Variants in COL24A1 observed in about 807,000 individuals in gnomAD.
The protein encoded by COL24A1 is collagen alpha-1(XXIV) chain.
A neutral mutation model predicts 253.9 loss-of-function variants in COL24A1; 224 were observed. The ratio of observed to expected loss-of-function variants is 0.88; its 90% CI spans 0.79 to 0.99. COL24A1 has a LOEUF of 0.99. COL24A1 is among the 50% of genes least tolerant of loss of function. The pLI is 0.00. For synonymous variants in COL24A1, 685 were observed against 673.7 expected (o/e 1.02, Z -0.26); for missense variants, 2,131 against 2,068.5 (o/e 1.03, Z -0.59).
chr1:86,107,508 AATTTATTTATTT>A (rs57193756), intron 5 of COL24A1, among the ~76,000 whole-genome samples: 22,483 of 145,014 alleles, frequency 0.16, 2,109 homozygotes, highest in African/African-American at 0.26. Context: ...ACACAATGGT[AATTTATTTATTT>A]ATTTATTTAT....
chr1:86,066,024 C>T (rs775963786), intron 7 of COL24A1, among the ~76,000 whole-genome samples: 6 of 151,980 alleles, frequency 3.9e-5, no homozygotes, highest in Non-Finnish European at 8.8e-5. Context: ...AAAGCAGATG[C>T]AGAGAAAGTA....
chr1:85,782,699 C>T (rs564040618), intron 51 of COL24A1, among the ~76,000 whole-genome samples: 1 of 152,286 alleles, frequency 6.6e-6, no homozygotes, highest in Non-Finnish European at 1.5e-5. Context: ...ATTTAAGATA[C>T]CTTTATCCTA....
At chr1:86,047,419 A>C (rs1177246090) in intron 11 of COL24A1, among the ~76,000 whole-genome samples, 2 of 152,168 alleles carry the variant, frequency 1.3e-5, no homozygotes. Context: ...TACAGTACTT[A>C]AGTACCCAGG....
At chr1:85,853,515 A>C (rs1426607407) in intron 37 of COL24A1, among the ~76,000 whole-genome samples, 2 of 152,200 alleles carry the variant, frequency 1.3e-5, no homozygotes, top group Admixed American at 6.6e-5. Context: ...GTTGAATGGT[A>C]GTTCTTTTAA....
chr1:85,959,213 T>C (rs955874751), intron 24 of COL24A1, among the ~76,000 whole-genome samples: 2 of 152,128 alleles, frequency 1.3e-5, no homozygotes, highest in African/African-American at 2.4e-5. Flanking sequence ...AAAGCCAGAA[T>C]TACTGAGAGC....
At chr1:85,899,286 A>C (rs980885256) in intron 28 of COL24A1, among the ~76,000 whole-genome samples, 9 of 152,248 alleles carry the variant, frequency 5.9e-5, no homozygotes, top group Admixed American at 4.6e-4. Context: ...CTAAAATACT[A>C]TAAAAAACAA....
chr1:86,151,065 T>C (rs938165279), intron 1 of COL24A1, among the ~76,000 whole-genome samples: 2 of 152,036 alleles, frequency 1.3e-5, no homozygotes, highest in African/African-American at 4.8e-5. Context: ...TGTATACACA[T>C]ACATATATAT....
chr1:86,098,082 G>T (rs1704144597), intron 5 of COL24A1, among the ~76,000 whole-genome samples: 1 of 152,108 alleles, frequency 6.6e-6, no homozygotes, highest in Non-Finnish European at 1.5e-5. Flanking sequence ...ATACACTGGA[G>T]GGGATTCAAC....
chr1:85,950,536 G>T (rs1381434076), intron 24 of COL24A1, among the ~76,000 whole-genome samples: 1 of 152,092 alleles, frequency 6.6e-6, no homozygotes, highest in East Asian at 1.9e-4. Flanking sequence ...TAAGTATTAG[G>T]CTTGAAAACC....
intron 24 of COL24A1, among the ~76,000 whole-genome samples, chr1:85,939,032 T>C (rs183413658): frequency 6.6e-6 from 1 of 152,162 alleles, no homozygotes; most frequent in Non-Finnish European, 1.5e-5. Flanking sequence ...TCTCAGCAGT[T>C]TGCCTCTAGA....
chr1:86,018,286 G>A (rs1320751011), intron 18 of COL24A1, among the ~76,000 whole-genome samples: 1 of 152,144 alleles, frequency 6.6e-6, no homozygotes, highest in Non-Finnish European at 1.5e-5. Context: ...GAGGTATCTG[G>A]ACATAAAACA....
intron 7 of COL24A1, among the ~76,000 whole-genome samples, chr1:86,071,144 G>A (rs1315582028): frequency 6.6e-6 from 1 of 151,942 alleles, no homozygotes; most frequent in Non-Finnish European, 1.5e-5. Context: ...ATGTTTTTTG[G>A]TTTATGCAAT....
intron 5 of COL24A1, among the ~76,000 whole-genome samples, chr1:86,092,734 A>C (rs1464925088): frequency 6.6e-6 from 1 of 151,918 alleles, no homozygotes; most frequent in Non-Finnish European, 1.5e-5. Flanking sequence ...ATATCATTCC[A>C]AGTTTAAATA....
At chr1:85,949,584 T>TTTTACTCTA (rs1443348729) in intron 24 of COL24A1, among the ~76,000 whole-genome samples, 1 of 152,110 alleles carries the variant, frequency 6.6e-6, no homozygotes, top group African/African-American at 2.4e-5. Context: ...TTTATGGAGC[T>TTTTACTCTA]TTTACTCTAT....
chr1:86,010,941 C>A (rs1696430999), intron 19 of COL24A1, among the ~76,000 whole-genome samples: 1 of 152,132 alleles, frequency 6.6e-6, no homozygotes, highest in South Asian at 2.1e-4. Context: ...ACACAACTCA[C>A]AAGAAAGATA....
chr1:86,099,221 C>T (rs2102031384), intron 5 of COL24A1, among the ~76,000 whole-genome samples: 1 of 152,146 alleles, frequency 6.6e-6, no homozygotes, highest in Non-Finnish European at 1.5e-5. Flanking sequence ...GAAAATGTAA[C>T]ATATCAAATT....
chr1:85,924,211 A>G (rs1686904153), intron 24 of COL24A1, among the ~76,000 whole-genome samples: 1 of 152,220 alleles, frequency 6.6e-6, no homozygotes, highest in Non-Finnish European at 1.5e-5. Flanking sequence ...CAAGGACCAG[A>G]CGGATTCACA....
chr1:85,827,887 C>G (rs374358301), intron 43 of COL24A1, among the ~76,000 whole-genome samples: 81 of 151,950 alleles, frequency 5.3e-4, no homozygotes, highest in African/African-American at 1.3e-3. Context: ...TGGATTCATT[C>G]ATTTTTTGAA....
rs192977596 is a variant in COL24A1, at chr1:86,088,560, G to A, written c.1707+614C>T. Reference sequence around the variant, plus strand: ...TTTATAAAATAAATATTGCAACTGTGTCAGTACTCCTTTCTACCTCACAAA... The same window carrying A: ...TTTATAAAATAAATATTGCAACTGTATCAGTACTCCTTTCTACCTCACAAA... On this transcript the variant is annotated intron_variant, in intron 7 of 59. Coordinates refer to ENST00000370571, the MANE Select transcript of COL24A1 (RefSeq NM_152890.7). Among the ~76,000 whole-genome samples, 6 of 152,246 alleles carry A rather than the reference G, an allele frequency of 3.9e-5. No individual in the cohort carries two copies. The East Asian group carries it at 1.2e-3, about 29-fold the overall frequency.
Sources: gnomAD v4.1 joint callset for allele counts (sites outside exome capture counted in the v4.1 genomes callset) on GRCh38, gnomAD v4.1.1 for gene constraint, MANE v1.5 for transcripts, NCBI Gene and HGNC (gene_info 2026-07-23, HGNC 2026-07-21) for gene names.